Variants in COL3A1 observed in about 807,000 individuals in gnomAD.
COL3A1 encodes collagen alpha-1(III) chain.
Under a neutral mutation model 200.9 loss-of-function variants are expected in COL3A1, and 46 were observed. The ratio of observed to expected loss-of-function variants is 0.23; its 90% CI spans 0.18 to 0.29. COL3A1 has a LOEUF of 0.29. Among genes scored for constraint, COL3A1 ranks in the 10% least tolerant of loss-of-function variants. COL3A1 has a pLI of 1.00. For missense variants in COL3A1, 1,367 were observed against 1,917.6 expected, an observed-to-expected ratio of 0.71 and a Z score of 5.36; for synonymous variants, 650 against 628.0, an observed-to-expected ratio of 1.03 and a Z score of -0.52.
chr2:189,008,954 C>T lies in COL3A1; in HGVS notation c.3556C>T (p.Pro1186Ser). ...GSPGHPGQPGPPGPPGAPGPC... is the reference protein window; with the variant it reads ...GSPGHPGQPGSPGPPGAPGPC... Reference sequence around the variant, plus strand: ...CCCAGGCCACCCAGGGCAACCAGGCCCTCCTGGACCTCCTGGTGCCCCTGG... The same window carrying T: ...CCCAGGCCACCCAGGGCAACCAGGCTCTCCTGGACCTCCTGGTGCCCCTGG... Residue 1186 changes from proline (P) to serine (S), a missense_variant, in exon 48 of 51, where the codon CCT (proline) becomes TCT (serine). Pro to Ser is a moderately conservative substitution (Grantham distance 74). Transcript: ENST00000304636. The T allele has an allele frequency of 6.2e-7, 1 of 1,614,102 alleles. No individual in the cohort carries two copies. Among genetic ancestry groups the T allele is most frequent in the South Asian group, 1.1e-5 (1 of 91,078 alleles).
chr2:189,006,432 A>G lies in COL3A1; in HGVS notation c.3181A>G (p.Ser1061Gly), dbSNP rs776650524. 1 of 1,614,014 alleles carries G rather than the reference A, an allele frequency of 6.2e-7. No homozygotes were observed. The highest frequency in any genetic ancestry group is 1.1e-5 in the South Asian group (1 of 91,068). The stretch of plus-strand genomic sequence containing the variant: ...TGGTCCTGTCGGTCCAGCTGGAAAG[A>G]GTGGTGACAGAGGAGAAAGTGTGAG... ...PPGPVGPAGK[S>G]GDRGESGPAG... The change falls in exon 43 of 51, where the codon AGT becomes GGT. Residue 1061 changes from serine (S) to glycine (G), a missense_variant. Physicochemically the swap from Ser to Gly is moderately conservative, Grantham distance 56. Transcript: ENST00000304636.
intron 15 of COL3A1, 144 bp from the exon 16 acceptor site, chr2:188,993,217 G>C: frequency 1.3e-6 from 1 of 762,272 alleles, no homozygotes; most frequent in Non-Finnish European, 2.3e-6. Context: ...CTGCCTTTAC[G>C]ATTAATGATT....
At chr2:189,006,056 C>A in intron 41 of COL3A1, 150 bp from the exon 42 acceptor site, 1 of 753,218 alleles carries the variant, frequency 1.3e-6, no homozygotes, top group East Asian at 2.7e-5. Flanking sequence ...CTTTGAAGGG[C>A]CACACTGCTT....
At chr2:189,006,483 TTGTC>T in intron 43 of COL3A1, 31 bp downstream of exon 43, 4 of 1,602,746 alleles carry the variant, frequency 2.5e-6, no homozygotes, top group Non-Finnish European at 3.4e-6. Context: ...TCTGTCTTGT[TTGTC>T]TATTTCCTTC....
Position 188,990,412 on chromosome 2 carries a change from C to T in COL3A1, c.798+52C>T, listed in dbSNP as rs1342133700. On this transcript the variant is annotated intron_variant, in intron 10 of 50. Transcript: ENST00000304636. ...AAGGTATTCCACTGGGCTATGTTTA[C>T]TTGCCTAACCAATTTTACTGGACAA... is the stretch of plus-strand genomic sequence containing the variant. The T allele has an allele frequency of 1.1e-5, 15 of 1,408,018 alleles. No homozygotes were observed. The South Asian group carries it at 1.7e-4, about 16-fold the overall frequency. The allele number at this position is 1,408,018 out of a possible 1,614,324, so 87.2% of individuals were successfully genotyped here.
At chr2:188,986,718 T>A (rs1688072045) in intron 4 of COL3A1, among the ~76,000 whole-genome samples, 2 of 152,060 alleles carry the variant, frequency 1.3e-5, no homozygotes, top group Admixed American at 1.3e-4. Flanking sequence ...CGAGACTCTT[T>A]TGGCCTCAAA....
chr2:189,007,811 A>G, intron 45 of COL3A1, 74 bp from the exon 46 acceptor site: 1 of 1,542,896 alleles, frequency 6.5e-7, no homozygotes, highest in African/African-American at 1.4e-5. Context: ...ATGTTTCTTG[A>G]TCTGATCTTG....
intron 1 of COL3A1, among the ~76,000 whole-genome samples, chr2:188,980,334 G>GTT (rs1180137348): frequency 6.7e-6 from 1 of 149,394 alleles, no homozygotes; most frequent in Non-Finnish European, 1.5e-5. Flanking sequence ...TCAACTTAAA[G>GTT]GACATTTCTA....
In COL3A1 at chr2:188,999,365, T is replaced by C. The variant is rs1688401379; in HGVS notation, c.2103T>C (p.Pro701=). 3 of 1,606,172 alleles carry C rather than the reference T, an allele frequency of 1.9e-6. No homozygotes were observed. The highest frequency in any genetic ancestry group is 1.7e-4 in the Middle Eastern group (1 of 6,048). The change falls in exon 30 of 51, where the codon CCT becomes CCC. Residue 701 remains proline (P), a synonymous_variant. Transcript: ENST00000304636. ...GACTTAGAGGTGGAGCTGGTCCCCC[T>C]GGTCCCGAAGGAGGAAAGGTAACTC... is the stretch of plus-strand genomic sequence containing the variant. ...APGLRGGAGP[P]GPEGGKGAAG... is the part of the protein sequence containing the mutation.
chr2:188,991,504 A>G lies in COL3A1; in HGVS notation c.870A>G (p.Pro290=). Residue 290 remains proline, a synonymous_variant, in exon 12 of 51, where the codon CCA becomes CCG. Coordinates refer to ENST00000304636, the MANE Select transcript of COL3A1 (RefSeq NM_000090.4). ...GTATCTAGGGTGAAAATGGTCTTCC[A>G]GGCGAAAATGGAGCTCCTGGACCCA... ...APGLKGENGL[P]GENGAPGPMG... 6.2e-7 allele frequency: 1 copy of G among 1,610,990 alleles called. No homozygotes were observed. The highest frequency in any genetic ancestry group is 8.5e-7 in the Non-Finnish European group (1 of 1,177,624).
At chr2:189,010,497 G>A (rs1688698234) in intron 49 of COL3A1, 132 bp downstream of exon 49, 13 of 1,470,384 alleles carry the variant, frequency 8.8e-6, no homozygotes, top group Non-Finnish European at 1.0e-5. Context: ...GAAAGTGATG[G>A]CATGCAATAA....
chr2:188,989,165 A>G (rs1688124626), intron 7 of COL3A1, among the ~76,000 whole-genome samples: 1 of 130,974 alleles, frequency 7.6e-6, no homozygotes, highest in South Asian at 2.2e-4. Flanking sequence ...GTAGAAATGC[A>G]TTTGGATTTA....
intron 1 of COL3A1, among the ~76,000 whole-genome samples, chr2:188,982,060 T>A (rs1028309280): frequency 4.6e-5 from 7 of 151,584 alleles, no homozygotes; most frequent in Admixed American, 1.3e-4. Context: ...TCTCTTTTTT[T>A]TACTTAAAAC....
intron 5 of COL3A1, 96 bp from the exon 6 acceptor site, chr2:188,987,985 C>A: frequency 1.1e-6 from 1 of 916,950 alleles, no homozygotes; most frequent in Non-Finnish European, 1.8e-6. Context: ...TATAGTTGTT[C>A]ATAGTTTTAA....
At chr2:189,010,928 T>A in intron 50 of COL3A1, 38 bp downstream of exon 50, 1 of 1,613,036 alleles carries the variant, frequency 6.2e-7, no homozygotes, top group Non-Finnish European at 8.5e-7. Context: ...CATAAAGCAG[T>A]CAGCATTTTA....
intron 1 of COL3A1, among the ~76,000 whole-genome samples, chr2:188,975,942 T>TACTCC (rs1687801201): frequency 6.6e-6 from 1 of 151,904 alleles, no homozygotes; most frequent in South Asian, 2.1e-4. Context: ...CCCTGCCTGT[T>TACTCC]ACTCCCTCCC....
At chr2:188,991,422 A>G in intron 11 of COL3A1, 65 bp from the exon 12 acceptor site, 1 of 1,062,706 alleles carries the variant, frequency 9.4e-7, no homozygotes, top group Non-Finnish European at 1.4e-6. Context: ...AATATTCTGT[A>G]TTTAAAAATA....
At chr2:188,974,670 AT>A in intron 1 of COL3A1, 102 bp downstream of exon 1, 1 of 889,066 alleles carries the variant, frequency 1.1e-6, no homozygotes, top group East Asian at 2.4e-5. Context: ...ATTCAAGATA[AT>A]TTCCTCTATA....
chr2:189,006,775 A>C (rs1688593762), intron 43 of COL3A1, among the ~76,000 whole-genome samples, 162 bp from the exon 44 acceptor site: 1 of 152,196 alleles, frequency 6.6e-6, no homozygotes. Flanking sequence ...AGCTATAAAC[A>C]GGGCTTTAGC....
Sources: gnomAD v4.1 joint callset for allele counts (sites outside exome capture counted in the v4.1 genomes callset) on GRCh38, gnomAD v4.1.1 for gene constraint, MANE v1.5 for transcripts, NCBI Gene and HGNC (gene_info 2026-07-23, HGNC 2026-07-21) for gene names.